PDE4DIP: variants seen among roughly 807,000 people sequenced by gnomAD.
PDE4DIP encodes myomegalin.
A neutral mutation model predicts 221.4 loss-of-function variants in PDE4DIP; 59 were observed. That is an observed-to-expected ratio of 0.27 (90% CI 0.22 to 0.33). The LOEUF (loss-of-function observed/expected upper bound fraction) is 0.33, where lower values mean the gene tolerates loss of function less well. Among genes scored for constraint, PDE4DIP ranks in the 10% least tolerant of loss-of-function variants. The pLI is 1.00. For synonymous variants in PDE4DIP, 404 were observed against 815.9 expected, an observed-to-expected ratio of 0.50 and a Z score of 8.60; for missense variants, 1,036 against 2,154.2, an observed-to-expected ratio of 0.48 and a Z score of 10.28.
chr1:148,949,157 T>A, intron 5 of PDE4DIP, among the ~76,000 whole-genome samples: 1 of 152,174 alleles, frequency 6.6e-6, no homozygotes, highest in Non-Finnish European at 1.5e-5. Context: ...ACAATTATAT[T>A]TTTTTCTTTT....
chr1:148,914,397 T>C (rs1194559679), intron 1 of PDE4DIP, among the ~76,000 whole-genome samples: 5 of 151,476 alleles, frequency 3.3e-5, no homozygotes, highest in African/African-American at 1.2e-4. Flanking sequence ...GAGGCCAAGG[T>C]GGGCCAATCA....
chr1:148,865,516 CAG>C (rs1211945659), intron 2 of PDE4DIP, among the ~76,000 whole-genome samples: 3 of 127,002 alleles, frequency 2.4e-5, no homozygotes, highest in Non-Finnish European at 5.0e-5. Flanking sequence ...GTACAACTAA[CAG>C]AACAATTATA....
At chr1:148,820,884 G>A (rs1294350954) in intron 1 of PDE4DIP, among the ~76,000 whole-genome samples, 2 of 145,600 alleles carry the variant, frequency 1.4e-5, no homozygotes, top group Non-Finnish European at 3.0e-5. Flanking sequence ...GCGGAGTCTC[G>A]CTGTTGCCCA....
chr1:149,030,933 A>C (rs2076566435), intron 43 of PDE4DIP: 2 of 409,342 alleles, frequency 4.9e-6, no homozygotes, highest in Non-Finnish European at 6.5e-6. Flanking sequence ...TTGAAGAAAA[A>C]CTTGAGGTAT....
chr1:149,006,134 GAAAA>G (rs148528730), intron 27 of PDE4DIP, among the ~76,000 whole-genome samples: 4 of 132,416 alleles, frequency 3.0e-5, no homozygotes, highest in African/African-American at 1.1e-4. Flanking sequence ...GTCTGTCTCG[GAAAA>G]AAAAAAAAAA....
chr1:148,930,668 A>G (rs1553469242), intron 2 of PDE4DIP: 1 of 151,774 alleles, frequency 6.6e-6, no homozygotes, highest in Admixed American at 6.6e-5. Flanking sequence ...CTCTACAAGG[A>G]GAACTATGAA....
intron 31 of PDE4DIP, 124 bp downstream of exon 34, chr1:149,010,719 G>A (rs587625137): frequency 2.5e-5 from 19 of 765,740 alleles, no homozygotes; most frequent in Middle Eastern, 3.9e-4. Flanking sequence ...AGACAGAATC[G>A]AGAAACCATC....
At chr1:148,929,226 C>T (rs587624883) in exon 2 of PDE4DIP, 2 of 1,613,566 alleles carry the variant, frequency 1.2e-6, no homozygotes, top group East Asian at 2.2e-5. Context: ...AAGTGGAGAG[C>T]TTGAAACGAG....
chr1:148,827,688 T>C (rs1456150750), intron 1 of PDE4DIP, among the ~76,000 whole-genome samples: 1 of 115,252 alleles, frequency 8.7e-6, no homozygotes, highest in Non-Finnish European at 2.0e-5. Context: ...TACTAATGAT[T>C]GTGTCTGTGT....
intron 1 of PDE4DIP, among the ~76,000 whole-genome samples, chr1:148,821,446 G>C (rs1235580788): frequency 2.7e-5 from 4 of 150,742 alleles, no homozygotes; most frequent in African/African-American, 9.9e-5. Flanking sequence ...CAGTGAGGAC[G>C]TAGACAGAAA....
intron 5 of PDE4DIP, chr1:148,952,199 G>A: frequency 9.6e-7 from 1 of 1,038,740 alleles, no homozygotes; most frequent in Non-Finnish European, 1.2e-6. Flanking sequence ...GCCCGCGCCA[G>A]TAGTGCTTTC....
At chr1:148,937,047 ATATGT>A (rs1351070993) in intron 4 of PDE4DIP, among the ~76,000 whole-genome samples, 13 of 152,196 alleles carry the variant, frequency 8.5e-5, no homozygotes, top group East Asian at 1.9e-4. Flanking sequence ...CATACTATAC[ATATGT>A]TATATTTGTA....
At chr1:148,987,367 G>A (rs1377658819) in intron 21 of PDE4DIP, among the ~76,000 whole-genome samples, 1 of 152,130 alleles carries the variant, frequency 6.6e-6, no homozygotes, top group Non-Finnish European at 1.5e-5. Flanking sequence ...AGTTTGATAG[G>A]AGGCCTCTTT....
chr1:149,030,758 T>A, intron 43 of PDE4DIP: 1 of 985,296 alleles, frequency 1.0e-6, no homozygotes, highest in Non-Finnish European at 1.2e-6. Flanking sequence ...TTTTGCTATA[T>A]CTTTAAGTAA....
At chr1:148,890,426 C>A (rs587635029) in intron 1 of PDE4DIP, among the ~76,000 whole-genome samples, 1 of 148,366 alleles carries the variant, frequency 6.7e-6, no homozygotes, top group African/African-American at 2.5e-5. Flanking sequence ...CAGCTGGGAC[C>A]ACAGGCACAG....
At chr1:148,970,776 G>GT (rs1420371844) in intron 14 of PDE4DIP, among the ~76,000 whole-genome samples, 4 of 151,794 alleles carry the variant, frequency 2.6e-5, no homozygotes, top group African/African-American at 4.8e-5. Flanking sequence ...TATTTATTAT[G>GT]TTTTTTCCCC....
At chr1:148,923,523 G>A (rs1343120347) in intron 1 of PDE4DIP, among the ~76,000 whole-genome samples, 1 of 145,768 alleles carries the variant, frequency 6.9e-6, no homozygotes, top group Non-Finnish European at 1.5e-5. Context: ...GCCCAGGCTG[G>A]AGTGCAGTGG....
chr1:148,991,590 T>A (rs587750758), intron 21 of PDE4DIP: 1 of 978,796 alleles, frequency 1.0e-6, no homozygotes, highest in Non-Finnish European at 1.2e-6. Flanking sequence ...TCAGGCTTTC[T>A]TGACATTCGA....
chr1:149,014,891 T>A (rs1325616320), intron 32 of PDE4DIP, among the ~76,000 whole-genome samples: 1 of 152,264 alleles, frequency 6.6e-6, no homozygotes, highest in Admixed American at 6.5e-5. Flanking sequence ...AGAATACTGA[T>A]CATTGTTACT....
Sources: allele counts gnomAD v4.1 joint callset (sites outside exome capture counted in the v4.1 genomes callset), GRCh38; gene constraint gnomAD v4.1.1; transcripts MANE v1.5; gene names NCBI Gene and HGNC (gene_info 2026-07-23, HGNC 2026-07-21).